The following MYH6 variants were observed in gnomAD, a reference collection of about 807,000 sequenced individuals.
MYH6 encodes myosin-6.
A neutral mutation model predicts 223.2 loss-of-function variants in MYH6; 126 were observed. The observed-to-expected ratio is 0.56, with a 90% CI of 0.49 to 0.65. The LOEUF is 0.65. Among genes scored for constraint, MYH6 ranks in the 30% least tolerant of loss-of-function variants. The pLI, the probability that MYH6 is intolerant of heterozygous loss-of-function variation, is 0.00. For synonymous variants in MYH6, 978 were observed against 1,010.2 expected (o/e 0.97, Z 0.61); for missense variants, 2,040 against 2,536.4 (o/e 0.80, Z 4.20).
rs1566511502 is a variant in MYH6 at position 23,396,748 on chromosome 14, C to A, written c.2238G>T (p.Lys746Asn). 6.2e-7 allele frequency: 1 copy of A among 1,614,028 alleles called. No homozygotes were observed. Among genetic ancestry groups the A allele is most frequent in the Non-Finnish European group, 8.5e-7 (1 of 1,179,870 alleles). The change falls in exon 19 of 39, where the codon AAG (lysine) becomes AAT (asparagine). Residue 746 changes from lysine to asparagine, a missense_variant. Transcript: ENST00000405093. The part of the protein sequence containing the change: ...QFIDSRKGTE[K>N]LLSSLDIDHN... ...GATCAATGTCCAGAGAGCTGAGCAG[C>A]TTCTCTGTCCCCTTCCTGCTATCAA...
In MYH6 at chr14:23,400,850, G is replaced by C; in HGVS notation, c.1269C>G (p.Tyr423Ter). The C allele has an allele frequency of 6.2e-7, 1 of 1,614,214 alleles. No individual in the cohort carries two copies. Among genetic ancestry groups the C allele is most frequent in the South Asian group, 1.1e-5 (1 of 91,084 alleles). Residue 423 changes from tyrosine (Y) to a stop codon, truncating the protein, a stop_gained, in exon 13 of 39, where the codon TAC (tyrosine) becomes TAG (stop). Coordinates refer to ENST00000405093, the MANE Select transcript of MYH6 (RefSeq NM_002471.4). LOFTEE classifies it high-confidence loss of function. ...CTGCCTTGGCCAGAGCCCCGATGGA[G>C]TAGTACACCTGCTGCACGCTCTGCC... ...TKGQSVQQVY[Y>*]SIGALAKAVY...
rs748422422 is a variant in MYH6, at chr14:23,393,866, G to T, written c.2728C>A (p.Leu910Met). Residue 910 changes from leucine (L) to methionine (M), a missense_variant, in exon 22 of 39, where the codon CTG (leucine) becomes ATG (methionine). This residue lies in a region of MYH6 where 1,203 missense variants were observed against 1,400.2 expected (regional missense o/e 0.86). Transcript: ENST00000405093. ...LNDAEERCDQ[L>M]IKNKIQLEAK... The stretch of plus-strand genomic sequence containing the variant: ...TCCAGCTGAATCTTGTTTTTGATCA[G>T]CTGGTCGCAGCGCTCCTCAGCATCA... 2.5e-6 allele frequency: 4 copies of T among 1,614,088 alleles called. No homozygotes were observed. In the African/African-American group the frequency reaches 5.3e-5, roughly 22 times the overall value.
At chr14:23,393,208 TA>T in intron 23 of MYH6, 133 bp downstream of exon 23, 1 of 1,463,572 alleles carries the variant, frequency 6.8e-7, no homozygotes. Context: ...AGACCTACTG[TA>T]GTGAGGAACT....
chr14:23,399,835 C>A, intron 14 of MYH6: 1 of 277,048 alleles, frequency 3.6e-6, no homozygotes, highest in Non-Finnish European at 7.0e-6. Flanking sequence ...ATGGGGCCTC[C>A]CGCCTGCGGC....
In MYH6 at chr14:23,390,221, T is replaced by TGGCCTCGTGCTGCAGC. The variant is rs1891192917; in HGVS notation, c.3552_3567dup (p.Thr1190AlafsTer48). The TGGCCTCGTGCTGCAGC allele has an allele frequency of 6.3e-7, 1 of 1,593,470 alleles. No homozygotes were observed. Among genetic ancestry groups the TGGCCTCGTGCTGCAGC allele is most frequent in the African/African-American group, 1.3e-5 (1 of 74,328 alleles). ...TGCTTCTTGCGCAGGGCCGCGGCAG[T>TGGCCTCGTGCTGCAGC]GGCCTCGTGCTGCAGCGTGGCCTCC... On this transcript the variant is annotated frameshift_variant, in exon 26 of 39. Coordinates refer to ENST00000405093, the MANE Select transcript of MYH6 (RefSeq NM_002471.4). LOFTEE classifies it high-confidence loss of function.
chr14:23,382,480 G>A lies in MYH6; in HGVS notation c.5744C>T (p.Ala1915Val). The A allele has an allele frequency of 2.5e-6, 4 of 1,614,162 alleles. No individual in the cohort carries two copies. The highest frequency in any genetic ancestry group is 3.4e-6 in the Non-Finnish European group (4 of 1,180,018). ...TCGAAGCTTGTTGACCTGGGACTCA[G>A]CGATGTCCGCCCGCTCCTCTGCCTC... is the stretch of plus-strand genomic sequence containing the variant. ...LDEAEERADI[A>V]ESQVNKLRAK... Residue 1915 changes from alanine to valine, a missense_variant, in exon 38 of 39, where the codon GCT becomes GTT. Physicochemically the swap from Ala to Val is moderately conservative, Grantham distance 64. This residue lies in a region of MYH6 where 1,203 missense variants were observed against 1,400.2 expected (regional missense o/e 0.86). Coordinates refer to ENST00000405093, the MANE Select transcript of MYH6 (RefSeq NM_002471.4).
intron 12 of MYH6, among the ~76,000 whole-genome samples, chr14:23,402,257 C>T (rs1360558171): frequency 6.6e-6 from 1 of 152,144 alleles, no homozygotes; most frequent in Non-Finnish European, 1.5e-5. Context: ...AAATTCCCCA[C>T]CTCAGTTCTG....
chr14:23,405,197 C>T lies in MYH6; in HGVS notation c.502+26G>A. On this transcript the variant is annotated intron_variant, in intron 5 of 38. Transcript: ENST00000405093. The surrounding 1 kb of genome is among the most constrained non-coding windows in gnomAD (Gnocchi z 4.7). ...CTGGGTGGGTGTCTGGGAGGAGGAG[C>T]AGAGACCAGGGGCCACCAGGCTCAC... 6.2e-7 allele frequency: 1 copy of T among 1,613,958 alleles called. No individual in the cohort carries two copies. Among genetic ancestry groups the T allele is most frequent in the East Asian group, 2.2e-5 (1 of 44,890 alleles).
Position 23,384,477 on chromosome 14 carries a change from T to G in MYH6, c.5530A>C (p.Lys1844Gln). Residue 1844 changes from lysine to glutamine, a missense_variant, in exon 36 of 39, where the codon AAG (lysine) becomes CAG (glutamine). Physicochemically the swap from Lys to Gln is moderately conservative, Grantham distance 53 (BLOSUM62 1). Around this residue, in one of 4 missense-constraint regions of MYH6, gnomAD observed 1,203 missense variants for 1,400.2 expected, o/e 0.86. Coordinates refer to ENST00000405093, the MANE Select transcript of MYH6 (RefSeq NM_002471.4). ...AGCTCCTTGATGCGCCGCTCGCTCTTCCTCATGCCCTTCACCGACTCTGCG... is the reference window on the plus strand; with the variant it reads ...AGCTCCTTGATGCGCCGCTCGCTCTGCCTCATGCCCTTCACCGACTCTGCG... Reference protein sequence around the residue: ...RNAESVKGMRKSERRIKELTY... With the variant: ...RNAESVKGMRQSERRIKELTY... 3.7e-6 allele frequency: 6 copies of G among 1,612,554 alleles called. No homozygotes were observed. Among genetic ancestry groups the G allele is most frequent in the Non-Finnish European group, 3.4e-6 (4 of 1,180,036 alleles).
chr14:23,400,799 C>G lies in MYH6; in HGVS notation c.1320G>C (p.Met440Ile). The change falls in exon 13 of 39, where the codon ATG becomes ATC. Residue 440 changes from methionine to isoleucine, a missense_variant. Coordinates refer to ENST00000405093, the MANE Select transcript of MYH6 (RefSeq NM_002471.4). ...KAVYEKMFNW[M>I]VTRINATLET... ...CCAGGGTGGCGTTGATGCGCGTCAC[C>G]ATCCAGTTGAACATCTTCTCATACA... The G allele has an allele frequency of 6.2e-7, 1 of 1,614,224 alleles. No individual in the cohort carries two copies. The highest frequency in any genetic ancestry group is 8.5e-7 in the Non-Finnish European group (1 of 1,180,040).
In MYH6 at chr14:23,383,334, GGTGGGAGA is replaced by G; in HGVS notation, c.5566-22_5566-15del. 4.0e-6 allele frequency: 2 copies of G among 496,002 alleles called. No homozygotes were observed. Among genetic ancestry groups the G allele is most frequent in the Non-Finnish European group, 8.1e-6 (2 of 246,802 alleles). 30.7% of individuals were successfully genotyped at this position (496,002 alleles called of 1,614,324 possible). On this transcript the variant is annotated splice_polypyrimidine_tract_variant and intron_variant, in intron 36 of 38. Transcript: ENST00000405093. ...GTCTTCCTCTGTCTGGGGGTGGGAG[GGTGGGAGA>G]AGCTGGTTTGGAGGGGGAGCAAATG...
At chr14:23,396,572 G>A in intron 19 of MYH6, 122 bp downstream of exon 19, 1 of 1,589,682 alleles carries the variant, frequency 6.3e-7, no homozygotes, top group Admixed American at 1.7e-5. Flanking sequence ...TGAAGCCTGG[G>A]TTTCAGCCCT....
chr14:23,384,777 C>T, intron 35 of MYH6, 60 bp from the exon 36 acceptor site: 2 of 1,613,838 alleles, frequency 1.2e-6, no homozygotes, highest in Admixed American at 1.7e-5. Context: ...TTTTGCCCCC[C>T]AAGGATCTCC....
rs1367296261 is a variant in MYH6, at chr14:23,397,261, G to C, written c.1963-4C>G. 6.2e-7 allele frequency: 1 copy of C among 1,613,926 alleles called. No individual in the cohort carries two copies. Among genetic ancestry groups the C allele is most frequent in the Non-Finnish European group, 8.5e-7 (1 of 1,179,924 alleles). ...TCATTAGCTTGTTGAGATTTTCCTG[G>C]AGGCAGATGAAGGTGGGGAGTTAGG... On this transcript the variant is annotated splice_region_variant and splice_polypyrimidine_tract_variant and intron_variant, in intron 16 of 38. Coordinates refer to ENST00000405093, the MANE Select transcript of MYH6 (RefSeq NM_002471.4).
chr14:23,403,902 TTGAGTA>T (rs1891692931), intron 8 of MYH6, 124 bp from the exon 9 acceptor site: 14 of 889,568 alleles, frequency 1.6e-5, no homozygotes, highest in Non-Finnish European at 2.3e-5. Flanking sequence ...GGTGTCTCAG[TTGAGTA>T]TAAGTGAAGC....
Position 23,405,914 on chromosome 14 carries a change from T to C in MYH6, c.202-144A>G. ...ACCAGTGCCCCGGCCCCTACCCCGA[T>C]GTCCCCTGGGACACTTTCCCCAGGT... On this transcript the variant is annotated intron_variant, in intron 3 of 38. Coordinates refer to ENST00000405093, the MANE Select transcript of MYH6 (RefSeq NM_002471.4). The surrounding 1 kb of genome is among the most constrained non-coding windows in gnomAD (Gnocchi z 4.7). 4 of 972,272 alleles carry C rather than the reference T, an allele frequency of 4.1e-6. No individual in the cohort carries two copies. Among genetic ancestry groups the C allele is most frequent in the South Asian group, 1.4e-5 (1 of 73,028 alleles). The allele number at this position is 972,272 out of a possible 1,614,324, so 60.2% of individuals were successfully genotyped here.
Position 23,389,072 on chromosome 14 carries a change from G to GGGGGGGGGCC in MYH6, c.3979-18_3979-17insGGCCCCCCCC. 8.8e-7 allele frequency: 1 copy of GGGGGGGGGCC among 1,135,176 alleles called. No homozygotes were observed. The highest frequency in any genetic ancestry group is 1.3e-6 in the Non-Finnish European group (1 of 774,154). The allele number at this position is 1,135,176 out of a possible 1,614,324, so 70.3% of individuals were successfully genotyped here. A position where few individuals can be genotyped will look rare whatever the true frequency, so the allele number is the denominator to read the frequency against. On this transcript the variant is annotated splice_polypyrimidine_tract_variant and intron_variant, in intron 28 of 38. Coordinates refer to ENST00000405093, the MANE Select transcript of MYH6 (RefSeq NM_002471.4). ...GTTCTTCGCCTGGGGAGGGGGGGGG[G>GGGGGGGGGCC]CACCAGGAGGTGGGAGGGACTCCCT...
At chr14:23,401,012 T>C (rs1219864383) in intron 12 of MYH6, 35 bp from the exon 13 acceptor site, 1 of 245,708 alleles carries the variant, frequency 4.1e-6, no homozygotes. Flanking sequence ...GAGCACTTCC[T>C]TTTTTTTTTT....
Position 23,405,528 on chromosome 14 carries a change from C to CCTTGGGAGTCTCTCCCCCTCTT in MYH6, c.345+77_345+98dup. On this transcript the variant is annotated intron_variant, in intron 4 of 38. Transcript: ENST00000405093. This position sits in a 1 kb window ranked among gnomAD's most constrained non-coding sequence, Gnocchi z 4.7. ...TGGAGGGGGGAAGGGGACTTGGGTC[C>CCTTGGGAGTCTCTCCCCCTCTT]CTTGGGAGTCTCTCCCCCTCTTCTT... The CCTTGGGAGTCTCTCCCCCTCTT allele has an allele frequency of 6.3e-7, 1 of 1,599,478 alleles. No individual in the cohort carries two copies. Among genetic ancestry groups the CCTTGGGAGTCTCTCCCCCTCTT allele is most frequent in the Non-Finnish European group, 8.5e-7 (1 of 1,171,032 alleles).
Sources: allele counts gnomAD v4.1 joint callset (sites outside exome capture counted in the v4.1 genomes callset), GRCh38; gene constraint gnomAD v4.1.1; regional missense constraint gnomAD v4.1.1; non-coding constraint Gnocchi (gnomAD v3.1); transcripts MANE v1.5; gene names NCBI Gene and HGNC (gene_info 2026-07-23, HGNC 2026-07-21).